Variants in CACNG2 observed in about 807,000 individuals in gnomAD.
The protein encoded by CACNG2 is calcium voltage-gated channel auxiliary subunit gamma 2.
In CACNG2, 3 loss-of-function variants were observed where a neutral mutation model predicts 25.9. The ratio of observed to expected loss-of-function variants is 0.12; its 90% CI spans 0.05 to 0.30. CACNG2 has a LOEUF of 0.30. Ranked by LOEUF, CACNG2 falls within the 10% of genes least tolerant of loss-of-function variation. CACNG2 has a pLI of 1.00. For synonymous variants in CACNG2, 167 were observed against 173.3 expected, an observed-to-expected ratio of 0.96 and a Z score of 0.29; for missense variants, 341 against 432.5, an observed-to-expected ratio of 0.79 and a Z score of 1.88.
At position 36,563,370 on chromosome 22, in the gene CACNG2, G is replaced by C. The variant is rs1032406203; in HGVS notation, c.*981C>G. ...GGAGAGCTGTTTCATGTCCCCCGGG[G>C]GGGGGGGTGGCATCTCCTGACCCCA... On this transcript the variant is annotated 3_prime_UTR_variant, in exon 4 of 4. Transcript: ENST00000300105. Among the ~76,000 whole-genome samples, 1 of 43,068 alleles carries C rather than the reference G, an allele frequency of 2.3e-5. No homozygotes were observed. The highest frequency in any genetic ancestry group is 6.4e-5 in the African/African-American group (1 of 15,558). The allele number at this position is 43,068 out of a possible 152,430, so 28.3% of individuals were successfully genotyped here. A position where few individuals can be genotyped will look rare whatever the true frequency, so the allele number is the denominator to read the frequency against.
chr22:36,626,625 C>A (rs1182520696), intron 1 of CACNG2, among the ~76,000 whole-genome samples: 4 of 152,170 alleles, frequency 2.6e-5, no homozygotes, highest in South Asian at 2.1e-4. Context: ...AAGCTGAGAA[C>A]CTTAAACAAC....
chr22:36,647,093 T>A (rs553836135), intron 1 of CACNG2, among the ~76,000 whole-genome samples: 1 of 152,264 alleles, frequency 6.6e-6, no homozygotes, highest in African/African-American at 2.4e-5. Flanking sequence ...TAGGTTCTTA[T>A]GGATGCTGTC....
At chr22:36,668,379 A>T (rs1475038686) in intron 1 of CACNG2, among the ~76,000 whole-genome samples, 1 of 152,250 alleles carries the variant, frequency 6.6e-6, no homozygotes, top group Admixed American at 6.5e-5. Flanking sequence ...GAATTGGCTC[A>T]TGCTATTAGG....
At chr22:36,644,367 C>T (rs1936487772) in intron 1 of CACNG2, among the ~76,000 whole-genome samples, 1 of 152,212 alleles carries the variant, frequency 6.6e-6, no homozygotes, top group Non-Finnish European at 1.5e-5. Context: ...CCCTTTATAG[C>T]AGAACCTCAC....
chr22:36,687,897 G>A (rs925760918), intron 1 of CACNG2, among the ~76,000 whole-genome samples: 1 of 152,178 alleles, frequency 6.6e-6, no homozygotes, highest in Non-Finnish European at 1.5e-5. Flanking sequence ...TCTTCCAAGA[G>A]CCTCCGGAAG....
chr22:36,683,009 C>T (rs1207695024), intron 1 of CACNG2, among the ~76,000 whole-genome samples: 1 of 152,198 alleles, frequency 6.6e-6, no homozygotes, highest in Non-Finnish European at 1.5e-5. Context: ...CCCATGCCTG[C>T]CATCCCAAAG....
At chr22:36,691,055 C>T (rs1449482430) in intron 1 of CACNG2, among the ~76,000 whole-genome samples, 1 of 152,162 alleles carries the variant, frequency 6.6e-6, no homozygotes, top group African/African-American at 2.4e-5. Flanking sequence ...CACACCTCTT[C>T]CTAGGACAGC....
chr22:36,643,605 A>C (rs900597049), intron 1 of CACNG2, among the ~76,000 whole-genome samples: 2 of 152,160 alleles, frequency 1.3e-5, no homozygotes, highest in Admixed American at 1.3e-4. Context: ...TCAGAAGGGA[A>C]GGTCAGGACT....
At chr22:36,689,995 A>G (rs1417757246) in intron 1 of CACNG2, among the ~76,000 whole-genome samples, 1 of 152,248 alleles carries the variant, frequency 6.6e-6, no homozygotes, top group Non-Finnish European at 1.5e-5. Context: ...CTGCTCAGGA[A>G]TGTGGGATAT....
chr22:36,650,675 C>G (rs1215247255), intron 1 of CACNG2, among the ~76,000 whole-genome samples: 1 of 152,192 alleles, frequency 6.6e-6, no homozygotes, highest in Non-Finnish European at 1.5e-5. Context: ...CTGCACCTAG[C>G]CCATTCTATT....
chr22:36,616,703 T>C (rs1316484421), intron 1 of CACNG2, among the ~76,000 whole-genome samples: 1 of 152,174 alleles, frequency 6.6e-6, no homozygotes, highest in East Asian at 1.9e-4. Context: ...TCCTGCTTGC[T>C]TGGCTCATAA....
intron 1 of CACNG2, among the ~76,000 whole-genome samples, chr22:36,689,886 T>A (rs933016569): frequency 1.3e-5 from 2 of 152,188 alleles, no homozygotes; most frequent in African/African-American, 4.8e-5. Context: ...CTAAAATGGG[T>A]GAGCGTCTCT....
At chr22:36,648,822 T>C (rs1259621448) in intron 1 of CACNG2, among the ~76,000 whole-genome samples, 4 of 152,158 alleles carry the variant, frequency 2.6e-5, no homozygotes, top group African/African-American at 4.8e-5. Context: ...TCAGCGAGTC[T>C]TGTCTTAACA....
intron 1 of CACNG2, among the ~76,000 whole-genome samples, chr22:36,662,560 T>C (rs973054582): frequency 2.6e-5 from 4 of 152,168 alleles, no homozygotes; most frequent in African/African-American, 9.7e-5. Flanking sequence ...TCTGTCTCCT[T>C]CTCTGTGCCT....
chr22:36,650,378 C>G (rs1294755006), intron 1 of CACNG2, among the ~76,000 whole-genome samples: 1 of 151,970 alleles, frequency 6.6e-6, no homozygotes, highest in African/African-American at 2.4e-5. Context: ...TTCTATTTTA[C>G]TTTTTTTCTT....
intron 1 of CACNG2, among the ~76,000 whole-genome samples, chr22:36,664,145 C>A (rs1037421314): frequency 7.3e-6 from 1 of 137,166 alleles, no homozygotes; most frequent in African/African-American, 2.8e-5. Context: ...CTTAGTGAGT[C>A]AGGAATTGCA....
intron 1 of CACNG2, among the ~76,000 whole-genome samples, chr22:36,676,932 T>TTGTGTG (rs138729815): frequency 0.04 from 5,622 of 141,706 alleles, 197 homozygotes; most frequent in East Asian, 0.16. Flanking sequence ...TCTTCTAATA[T>TTGTGTG]TGTGTGTGTG....
rs1569013582 is a variant in CACNG2 at position 36,564,253 on chromosome 22, T to C, written c.*98A>G. 8 of 1,058,842 alleles carry C rather than the reference T, an allele frequency of 7.6e-6. No individual in the cohort carries two copies. Among genetic ancestry groups the C allele is most frequent in the Non-Finnish European group, 7.9e-6 (6 of 757,968 alleles). The allele number at this position is 1,058,842 out of a possible 1,614,324, so 65.6% of individuals were successfully genotyped here. Reference sequence around the variant, plus strand: ...TTTTTTTGTTTTTTGTTTTTGCTTTTGGAAGGTCTCCCAGCGGAGGGTCTG... The same window carrying C: ...TTTTTTTGTTTTTTGTTTTTGCTTTCGGAAGGTCTCCCAGCGGAGGGTCTG... On this transcript the variant is annotated 3_prime_UTR_variant, in exon 4 of 4. Transcript: ENST00000300105. This position sits in a 1 kb window ranked among gnomAD's most constrained non-coding sequence, Gnocchi z 6.7.
chr22:36,670,330 C>T (rs747832682), intron 1 of CACNG2, among the ~76,000 whole-genome samples: 2 of 152,124 alleles, frequency 1.3e-5, no homozygotes, highest in Non-Finnish European at 2.9e-5. Flanking sequence ...ACAAGTTATG[C>T]TGTTAATTAC....
Sources: allele counts gnomAD v4.1 joint callset (sites outside exome capture counted in the v4.1 genomes callset), GRCh38; gene constraint gnomAD v4.1.1; non-coding constraint Gnocchi (gnomAD v3.1); transcripts MANE v1.5; gene names NCBI Gene and HGNC (gene_info 2026-07-23, HGNC 2026-07-21).